ANPEP: variants seen among roughly 807,000 people sequenced by gnomAD.
ANPEP encodes the protein alanyl aminopeptidase, membrane.
Under a neutral mutation model 114.6 loss-of-function variants are expected in ANPEP, and 70 were observed. That is an observed-to-expected ratio of 0.61 (90% CI 0.50 to 0.75). The LOEUF (loss-of-function observed/expected upper bound fraction) is 0.75. Among genes scored for constraint, ANPEP ranks in the 30% least tolerant of loss-of-function variants. The pLI is 0.00. For missense variants in ANPEP, 1,184 were observed against 1,259.5 expected, an observed-to-expected ratio of 0.94 and a Z score of 0.91; for synonymous variants, 548 against 522.3, an observed-to-expected ratio of 1.05 and a Z score of -0.67.
At chr15:89,813,990 C>CCGGG (rs1567164958) in intron 1 of ANPEP, among the ~76,000 whole-genome samples, 1 of 93,846 alleles carries the variant, frequency 1.1e-5, no homozygotes, top group African/African-American at 8.0e-5. Flanking sequence ...CACCGCACTG[C>CCGGG]TGGGGGGGGG....
intron 15 of ANPEP, among the ~76,000 whole-genome samples, chr15:89,795,989 A>G (rs921479253): frequency 7.2e-5 from 11 of 152,298 alleles, no homozygotes; most frequent in African/African-American, 2.6e-4. Flanking sequence ...CCAAGGAGGG[A>G]GGATTGCTTG....
At chr15:89,791,969 G>C (rs1298078577) in intron 18 of ANPEP, among the ~76,000 whole-genome samples, 191 bp downstream of exon 18, 2 of 152,232 alleles carry the variant, frequency 1.3e-5, no homozygotes, top group Non-Finnish European at 2.9e-5. Context: ...CATGGACCCA[G>C]ACCTGAGTCC....
chr15:89,787,710 A>C (rs565226336), intron 20 of ANPEP, among the ~76,000 whole-genome samples: 114 of 152,344 alleles, frequency 7.5e-4, no homozygotes, highest in African/African-American at 2.4e-3. Context: ...ACATGCCTGT[A>C]ATCCAAGCTA....
intron 20 of ANPEP, among the ~76,000 whole-genome samples, chr15:89,787,040 C>CTTTT (rs1015822999): frequency 4.0e-4 from 36 of 91,064 alleles, no homozygotes; most frequent in East Asian, 1.4e-3. Flanking sequence ...TAATAAAACT[C>CTTTT]TTTTTTTTTT....
In ANPEP at chr15:89,785,442, C is replaced by A. The variant is rs772435514; in HGVS notation, c.2811G>T (p.Leu937=). The A allele has an allele frequency of 1.4e-5, 22 of 1,614,038 alleles. No homozygotes were observed. Among genetic ancestry groups the A allele is most frequent in the Middle Eastern group, 1.6e-4 (1 of 6,084 alleles). ...CTTTCGTCTTCTCCAGGGCTTGCTC[C>A]AGGGCCCGGGTGCCTGAGCCGAAGC... ...ETGFGSGTRA[L]EQALEKTKAN... The change falls in exon 21 of 21, where the codon CTG becomes CTT. Residue 937 remains leucine (L), a synonymous_variant. Transcript: ENST00000300060.
chr15:89,789,353 A>G (rs16974177), intron 20 of ANPEP, among the ~76,000 whole-genome samples: 11,599 of 152,260 alleles, frequency 0.076, 1,476 homozygotes, highest in African/African-American at 0.26. Context: ...TAATTCAAGC[A>G]TATATATCAA....
chr15:89,810,409 TAAAA>T (rs1567163661), intron 1 of ANPEP, among the ~76,000 whole-genome samples: 1 of 124,500 alleles, frequency 8.0e-6, no homozygotes, highest in East Asian at 2.8e-4. Context: ...AATAAATAAA[TAAAA>T]ATACAAAATT....
In ANPEP at chr15:89,792,288, A is replaced by C; in HGVS notation, c.2400T>G (p.Ala800=). Residue 800 remains alanine, a synonymous_variant, in exon 18 of 21, where the codon GCT becomes GCG. Transcript: ENST00000300060. ...PNLRSTVYCN[A]IAQGGEEEWD... ...ACTCCTCCTCCCCGCCCTGGGCGAT[A>C]GCGTTGCAGTAGACGGTGGACCGCA... 6.2e-7 allele frequency: 1 copy of C among 1,614,170 alleles called. No individual in the cohort carries two copies.
At chr15:89,805,839 G>A (rs1179303070) in intron 2 of ANPEP, 131 bp downstream of exon 2, 3 of 1,287,626 alleles carry the variant, frequency 2.3e-6, no homozygotes, top group Non-Finnish European at 3.2e-6. Context: ...AGCTGGAGGT[G>A]AAGCAATGGG....
intron 1 of ANPEP, among the ~76,000 whole-genome samples, chr15:89,813,850 T>C (rs567770909): frequency 1.3e-5 from 2 of 152,324 alleles, no homozygotes; most frequent in East Asian, 3.9e-4. Flanking sequence ...ACCTCAGGTC[T>C]GGCTGAGACC....
intron 20 of ANPEP, among the ~76,000 whole-genome samples, chr15:89,789,799 C>T (rs1287348565): frequency 1.6e-5 from 2 of 127,756 alleles, no homozygotes; most frequent in South Asian, 2.6e-4. Context: ...AGCTGGACGC[C>T]GTGGCTCACG....
intron 1 of ANPEP, among the ~76,000 whole-genome samples, chr15:89,813,428 C>G (rs987279120): frequency 6.6e-6 from 1 of 152,216 alleles, no homozygotes. Flanking sequence ...ACAGGGCAGG[C>G]GGCTGGGCTG....
In ANPEP at chr15:89,797,563, G is replaced by A. The variant is rs2141799263; in HGVS notation, c.2157+12C>T. On this transcript the variant is annotated intron_variant, in intron 15 of 20. Transcript: ENST00000300060. ...CGAACTGGTTCTTGAACCCTACCATGCACCTCCGTACCTTCATGGGGCCAT... is the reference window on the plus strand; with the variant it reads ...CGAACTGGTTCTTGAACCCTACCATACACCTCCGTACCTTCATGGGGCCAT... 2 of 1,606,626 alleles carry A rather than the reference G, an allele frequency of 1.2e-6. No individual in the cohort carries two copies. Among genetic ancestry groups the A allele is most frequent in the East Asian group, 4.5e-5 (2 of 44,680 alleles).
chr15:89,792,411 C>A (rs1450363023), intron 17 of ANPEP, 41 bp downstream of exon 17: 1 of 1,612,720 alleles, frequency 6.2e-7, no homozygotes. Flanking sequence ...CTGTTGGGGG[C>A]AGATGAAGAC....
In ANPEP at chr15:89,805,150, C is replaced by T; in HGVS notation, c.825G>A (p.Met275Ile). ...NVTEFHTTPK[M>I]STYLLAFIVS... ...CAATGAAGGCCAGCAAGTACGTGGACATCTTGGGCGTGGTGTGGAACTCAG... is the reference window on the plus strand; with the variant it reads ...CAATGAAGGCCAGCAAGTACGTGGATATCTTGGGCGTGGTGTGGAACTCAG... Residue 275 changes from methionine to isoleucine, a missense_variant, in exon 4 of 21, where the codon ATG (methionine) becomes ATA (isoleucine). Met to Ile is a conservative substitution (Grantham distance 10). Coordinates refer to ENST00000300060, the MANE Select transcript of ANPEP (RefSeq NM_001150.3). 1 of 1,614,234 alleles carries T rather than the reference C, an allele frequency of 6.2e-7. No individual in the cohort carries two copies. Among genetic ancestry groups the T allele is most frequent in the Non-Finnish European group, 8.5e-7 (1 of 1,180,040 alleles).
chr15:89,807,347 C>T (rs970252261), intron 1 of ANPEP, among the ~76,000 whole-genome samples: 1 of 152,250 alleles, frequency 6.6e-6, no homozygotes, highest in Non-Finnish European at 1.5e-5. Flanking sequence ...ATTTGCCTCT[C>T]AGGTTTGTTG....
chr15:89,800,720 C>G (rs1894571337), intron 12 of ANPEP, among the ~76,000 whole-genome samples: 1 of 152,082 alleles, frequency 6.6e-6, no homozygotes, highest in Non-Finnish European at 1.5e-5. Flanking sequence ...CACCACCACA[C>G]CTGGCTAATT....
Position 89,799,583 on chromosome 15 carries a change from G to A in ANPEP, c.1820-24C>T. 1 of 1,614,116 alleles carries A rather than the reference G, an allele frequency of 6.2e-7. No individual in the cohort carries two copies. The highest frequency in any genetic ancestry group is 8.5e-7 in the Non-Finnish European group (1 of 1,180,014). On this transcript the variant is annotated intron_variant, in intron 12 of 20. Coordinates refer to ENST00000300060, the MANE Select transcript of ANPEP (RefSeq NM_001150.3). The surrounding 1 kb of genome is among the most constrained non-coding windows in gnomAD (Gnocchi z 4.2). ...GGCTGTGGAGAGGGACGAGACCTGG[G>A]CAGGGCTGCTCAGAGGCCATGGGCT...
chr15:89,799,299 T>C lies in ANPEP; in HGVS notation c.1970A>G (p.Asn657Ser), dbSNP rs771378829. ...GGCGTCATTAATGATCTGTGCCCGA[T>C]TGATGACAGGGATGGCCTAGAATGC... ...QRDHSAIPVI[N>S]RAQIINDAFN... The change falls in exon 14 of 21, where the codon AAT becomes AGT. Residue 657 changes from asparagine (N) to serine (S), a missense_variant. Coordinates refer to ENST00000300060, the MANE Select transcript of ANPEP (RefSeq NM_001150.3). The surrounding 1 kb of genome is among the most constrained non-coding windows in gnomAD (Gnocchi z 4.2). 13 of 1,614,032 alleles carry C rather than the reference T, an allele frequency of 8.1e-6. No individual in the cohort carries two copies. The highest frequency in any genetic ancestry group is 2.2e-5 in the East Asian group (1 of 44,884).
Sources: allele counts gnomAD v4.1 joint callset (sites outside exome capture counted in the v4.1 genomes callset), GRCh38; gene constraint gnomAD v4.1.1; non-coding constraint Gnocchi (gnomAD v3.1); transcripts MANE v1.5; gene names NCBI Gene and HGNC (gene_info 2026-07-23, HGNC 2026-07-21).